Variants in KMT2D observed in about 807,000 individuals in gnomAD.
KMT2D encodes histone-lysine N-methyltransferase 2D.
Under a neutral mutation model 512.7 loss-of-function variants are expected in KMT2D, and 55 were observed. That is an observed-to-expected ratio of 0.11 (90% CI 0.09 to 0.13). KMT2D has a LOEUF of 0.13. Among genes scored for constraint, KMT2D ranks in the 10% least tolerant of loss-of-function variants. KMT2D has a pLI of 1.00. For missense variants in KMT2D, 6,061 were observed against 7,127.9 expected (o/e 0.85, Z 5.39); for synonymous variants, 2,995 against 2,904.0 (o/e 1.03, Z -1.01).
At position 49,050,612 on chromosome 12, in the gene KMT2D, G is replaced by T; in HGVS notation, c.2976C>A (p.Asp992Glu). ...ISPPPEANCT[D>E]PEPVPPMILP... ...GGATCATAGGGGGGACAGGCTCAGG[G>T]TCAGTGCAGTTAGCTTCTGGTGGAG... Residue 992 changes from aspartate to glutamate, a missense_variant, in exon 12 of 55, where the codon GAC (aspartate) becomes GAA (glutamate). Transcript: ENST00000301067. The T allele has an allele frequency of 6.2e-7, 1 of 1,611,030 alleles. No individual in the cohort carries two copies. Among genetic ancestry groups the T allele is most frequent in the Non-Finnish European group, 8.5e-7 (1 of 1,178,002 alleles).
rs765084490 is a variant in KMT2D, at chr12:49,049,241, G to A, written c.3907-23C>T. The A allele has an allele frequency of 5.4e-6, 8 of 1,468,180 alleles. No homozygotes were observed. In the Admixed American group the frequency reaches 1.5e-4, roughly 27 times the overall value. The allele number at this position is 1,468,180 out of a possible 1,614,324, so 90.9% of individuals were successfully genotyped here. A position where few individuals can be genotyped will look rare whatever the true frequency, so the allele number is the denominator to read the frequency against. On this transcript the variant is annotated intron_variant, in intron 12 of 54. Transcript: ENST00000301067. ...ACCCTGAGTGAAAGAAGGGGACAAT[G>A]ACAGGAGCATGTCAAGGGCTAGTGT... is the stretch of plus-strand genomic sequence containing the variant.
Position 49,042,481 on chromosome 12 carries a change from C to A in KMT2D, c.5867+80G>T. 1 of 1,542,438 alleles carries A rather than the reference C, an allele frequency of 6.5e-7. No homozygotes were observed. Among genetic ancestry groups the A allele is most frequent in the Non-Finnish European group, 8.8e-7 (1 of 1,132,768 alleles). Reference sequence around the variant, plus strand: ...GGAGCAGGGGAAGTGCTGCAGGAGTCCGAGGGAGGCAAAGCATGAACTCAG... The same window carrying A: ...GGAGCAGGGGAAGTGCTGCAGGAGTACGAGGGAGGCAAAGCATGAACTCAG... On this transcript the variant is annotated intron_variant, in intron 28 of 54. Transcript: ENST00000301067. The surrounding 1 kb of genome is among the most constrained non-coding windows in gnomAD (Gnocchi z 4.4).
At position 49,026,092 on chromosome 12, in the gene KMT2D, G is replaced by A. The variant is rs1942567649; in HGVS notation, c.15784+90C>T. The A allele has an allele frequency of 7.1e-6, 9 of 1,267,750 alleles. No homozygotes were observed. In the South Asian group the frequency reaches 1.4e-4, roughly 20 times the overall value. 78.5% of individuals were successfully genotyped at this position (1,267,750 alleles called of 1,614,324 possible). A position where few individuals can be genotyped will look rare whatever the true frequency, so the allele number is the denominator to read the frequency against. Reference sequence around the variant, plus strand: ...GGGAAGGAGGATCATTCACATAGAAGCTACAGGTCCTCTTATAGACATTGT... The same window carrying A: ...GGGAAGGAGGATCATTCACATAGAAACTACAGGTCCTCTTATAGACATTGT... On this transcript the variant is annotated intron_variant, in intron 49 of 54. Coordinates refer to ENST00000301067, the MANE Select transcript of KMT2D (RefSeq NM_003482.4). This position sits in a 1 kb window ranked among gnomAD's most constrained non-coding sequence, Gnocchi z 9.6.
In KMT2D at chr12:49,039,001, T is replaced by C. The variant is rs1459330498; in HGVS notation, c.8367-12A>G. 2 of 1,551,714 alleles carry C rather than the reference T, an allele frequency of 1.3e-6. No homozygotes were observed. Among genetic ancestry groups the C allele is most frequent in the Admixed American group, 2.0e-5 (1 of 51,018 alleles). On this transcript the variant is annotated splice_polypyrimidine_tract_variant and intron_variant, in intron 34 of 54. Transcript: ENST00000301067. The surrounding 1 kb of genome is among the most constrained non-coding windows in gnomAD (Gnocchi z 5.0). ...CTCCTACCAGTTGCCTGGAAGAATA[T>C]ACAGTAGTCAGTAGGATGAAATCAG...
At position 49,022,529 on chromosome 12, in the gene KMT2D, G is replaced by T; in HGVS notation, c.16338+61C>A. On this transcript the variant is annotated intron_variant, in intron 52 of 54. Coordinates refer to ENST00000301067, the MANE Select transcript of KMT2D (RefSeq NM_003482.4). The surrounding 1 kb of genome is among the most constrained non-coding windows in gnomAD (Gnocchi z 8.6). ...CTCCTGCTCTCCTGTGACCAATCCTGCCCTTGCTCCTTGGTTGAGTGCAGA... is the reference window on the plus strand; with the variant it reads ...CTCCTGCTCTCCTGTGACCAATCCTTCCCTTGCTCCTTGGTTGAGTGCAGA... 1 of 1,573,122 alleles carries T rather than the reference G, an allele frequency of 6.4e-7. No homozygotes were observed. The highest frequency in any genetic ancestry group is 8.7e-7 in the Non-Finnish European group (1 of 1,152,480).
Position 49,023,844 on chromosome 12 carries a change from C to A in KMT2D, c.16052+734G>T, listed in dbSNP as rs941970564. Reference sequence around the variant, plus strand: ...ACATTCTACAACAGCCTAGGAGCCACCAAAGACCTTCGAGAAAGCCCTGCT... The same window carrying A: ...ACATTCTACAACAGCCTAGGAGCCAACAAAGACCTTCGAGAAAGCCCTGCT... On this transcript the variant is annotated intron_variant, in intron 51 of 54. Transcript: ENST00000301067. 5.3e-5 allele frequency among the ~76,000 whole-genome samples: 8 copies of A among 152,322 alleles called. No individual in the cohort carries two copies. The East Asian group carries it at 1.5e-3, about 29-fold the overall frequency.
chr12:49,040,059 T>C lies in KMT2D; in HGVS notation c.7711A>G (p.Thr2571Ala). Residue 2571 changes from threonine to alanine, a missense_variant, in exon 32 of 55, where the codon ACC becomes GCC. Physicochemically the swap from Thr to Ala is moderately conservative, Grantham distance 58 (BLOSUM62 0). This residue lies in a region of KMT2D where 710 missense variants were observed against 647.3 expected (regional missense o/e 1.10). Transcript: ENST00000301067. ...TTTGTGCTTTGAGGCTTGCCCAAGG[T>C]GGGGCCGGGCCCAAAATGGCTGTTG... ...GINSHFGPGP[T>A]LGKPQSTNYT... is the part of the protein sequence containing the mutation. 1 of 1,613,790 alleles carries C rather than the reference T, an allele frequency of 6.2e-7. No individual in the cohort carries two copies. The highest frequency in any genetic ancestry group is 1.1e-5 in the South Asian group (1 of 91,054).
In KMT2D at chr12:49,040,385, G is replaced by A. The variant is rs1220563942; in HGVS notation, c.7385C>T (p.Pro2462Leu). 2 of 1,565,626 alleles carry A rather than the reference G, an allele frequency of 1.3e-6. No individual in the cohort carries two copies. The highest frequency in any genetic ancestry group is 1.4e-5 in the African/African-American group (1 of 73,402). The part of the protein sequence containing the change: ...RPPSRPQSRD[P>L]FAPLHKPPRP... ...GGGTGGCTTATGCAATGGGGCAAAT[G>A]GGTCACGGGACTGAGGGCGTGAGGG... The change falls in exon 32 of 55, where the codon CCA becomes CTA. Residue 2462 changes from proline to leucine, a missense_variant. Physicochemically the swap from Pro to Leu is moderately conservative, Grantham distance 98. This residue lies in a region of KMT2D where 710 missense variants were observed against 647.3 expected (regional missense o/e 1.10). Coordinates refer to ENST00000301067, the MANE Select transcript of KMT2D (RefSeq NM_003482.4).
Position 49,054,114 on chromosome 12 carries a change from A to C in KMT2D, c.537T>G (p.Gly179=), listed in dbSNP as rs2120704669. The part of the protein sequence containing the change: ...SQRCSHCTRL[G]ASIPCRSPGC... Reference sequence around the variant, plus strand: ...CAGGTGAGCGGCAAGGGATGGAGGCACCGAGCCTGGTGCAGTGGGAGCAGC... The same window carrying C: ...CAGGTGAGCGGCAAGGGATGGAGGCCCCGAGCCTGGTGCAGTGGGAGCAGC... The change falls in exon 6 of 55, where the codon GGT becomes GGG. Residue 179 remains glycine (G), a synonymous_variant. Coordinates refer to ENST00000301067, the MANE Select transcript of KMT2D (RefSeq NM_003482.4). The surrounding 1 kb of genome is among the most constrained non-coding windows in gnomAD (Gnocchi z 6.4). 1 of 1,612,268 alleles carries C rather than the reference A, an allele frequency of 6.2e-7. No homozygotes were observed. The highest frequency in any genetic ancestry group is 1.3e-5 in the African/African-American group (1 of 74,998).
Position 49,026,300 on chromosome 12 carries a change from G to A in KMT2D, c.15666C>T (p.Asn5222=). The change falls in exon 49 of 55, where the codon AAC becomes AAT. Residue 5222 remains asparagine (N), a synonymous_variant. Transcript: ENST00000301067. The surrounding 1 kb of genome is among the most constrained non-coding windows in gnomAD (Gnocchi z 9.6). ...ATRIYWSLRT[N]NRRCCYRCSI... ...AACAGCGATAGCAGCAGCGACGATT[G>A]TTGGTGCGGAGGCTCCAATAGATGC... The A allele has an allele frequency of 6.2e-7, 1 of 1,612,018 alleles. No individual in the cohort carries two copies. The highest frequency in any genetic ancestry group is 8.5e-7 in the Non-Finnish European group (1 of 1,178,156).
In KMT2D at chr12:49,034,612, C is replaced by A. The variant is rs747438612; in HGVS notation, c.10410G>T (p.Leu3470=). ...CACTCCCAGCTGCCACATGGTTCTG[C>A]AGATCACTGCTAGGTCCCCCCGAGA... is the stretch of plus-strand genomic sequence containing the variant. ...QRLSGGPSSD[L]QNHVAAGSGQ... is the part of the protein sequence containing the mutation. Residue 3470 remains leucine (L), a synonymous_variant, in exon 37 of 55, where the codon CTG becomes CTT. Transcript: ENST00000301067. 15 of 1,613,516 alleles carry A rather than the reference C, an allele frequency of 9.3e-6. No homozygotes were observed. Among genetic ancestry groups the A allele is most frequent in the African/African-American group, 1.3e-5 (1 of 74,898 alleles).
In KMT2D at chr12:49,043,382, C is replaced by G. The variant is rs2120567833; in HGVS notation, c.5514G>C (p.Glu1838Asp). The part of the protein sequence containing the change: ...DIADEESRGL[E>D]GKADTPGPED... ...CCTCACCTGGTGTATCGGCTTTGCC[C>G]TCGAGGCCACGGGATTCTTCATCTG... Residue 1838 changes from glutamate to aspartate, a missense_variant, in exon 25 of 55, where the codon GAG becomes GAC. Around this residue, in one of 16 missense-constraint regions of KMT2D, gnomAD observed 640 missense variants for 814.3 expected, o/e 0.79. Transcript: ENST00000301067. 2 of 1,613,996 alleles carry G rather than the reference C, an allele frequency of 1.2e-6. No homozygotes were observed. Among genetic ancestry groups the G allele is most frequent in the Non-Finnish European group, 1.7e-6 (2 of 1,179,874 alleles).
At position 49,033,394 on chromosome 12, in the gene KMT2D, G is replaced by T. The variant is rs747132864; in HGVS notation, c.11311C>A (p.Pro3771Thr). ...PGVQTNQALG[P>T]KPQGLMPPSS... Reference sequence around the variant, plus strand: ...GGAGGCATAAGGCCCTGGGGCTTGGGACCCAGAGCTTGGTTTGTCTGTACT... The same window carrying T: ...GGAGGCATAAGGCCCTGGGGCTTGGTACCCAGAGCTTGGTTTGTCTGTACT... Residue 3771 changes from proline to threonine, a missense_variant, in exon 40 of 55, where the codon CCC (proline) becomes ACC (threonine). Coordinates refer to ENST00000301067, the MANE Select transcript of KMT2D (RefSeq NM_003482.4). 1 of 1,573,342 alleles carries T rather than the reference G, an allele frequency of 6.4e-7. No individual in the cohort carries two copies. The highest frequency in any genetic ancestry group is 8.6e-7 in the Non-Finnish European group (1 of 1,159,412).
Position 49,039,665 on chromosome 12 carries a change from TA to T in KMT2D, c.8047-49del. The T allele has an allele frequency of 6.2e-7, 1 of 1,602,620 alleles. No individual in the cohort carries two copies. Among genetic ancestry groups the T allele is most frequent in the Non-Finnish European group, 8.5e-7 (1 of 1,175,488 alleles). ...GAATAAGCCCATTCTACTCCAATCA[TA>T]GGGCTGCCCCAGAGACAGGAGCGAT... On this transcript the variant is annotated intron_variant, in intron 32 of 54. Transcript: ENST00000301067. This position sits in a 1 kb window ranked among gnomAD's most constrained non-coding sequence, Gnocchi z 5.0.
chr12:49,050,127 A>G lies in KMT2D; in HGVS notation c.3461T>C (p.Leu1154Pro), dbSNP rs2120646057. 6.2e-7 allele frequency: 1 copy of G among 1,613,416 alleles called. No individual in the cohort carries two copies. Among genetic ancestry groups the G allele is most frequent in the Non-Finnish European group, 8.5e-7 (1 of 1,179,684 alleles). Reference protein sequence around the residue: ...LASELKGSPVLLDPEELAPVT... With the variant: ...LASELKGSPVPLDPEELAPVT... ...AGGGGCCAGCTCCTCGGGGTCCAGG[A>G]GCACAGGGGAGCCTTTAAGTTCACT... The change falls in exon 12 of 55, where the codon CTC becomes CCC. Residue 1154 changes from leucine (L) to proline (P), a missense_variant. By Grantham distance (98) the Leu-to-Pro change is moderately conservative. This residue lies in a region of KMT2D where 447 missense variants were observed against 500.1 expected (regional missense o/e 0.89). Transcript: ENST00000301067.
At position 49,055,260 on chromosome 12, in the gene KMT2D, A is replaced by G. The variant is rs762896047; in HGVS notation, c.49+16T>C. 3 of 1,613,784 alleles carry G rather than the reference A, an allele frequency of 1.9e-6. No individual in the cohort carries two copies. Among genetic ancestry groups the G allele is most frequent in the Admixed American group, 3.3e-5 (2 of 60,022 alleles). On this transcript the variant is annotated intron_variant, in intron 2 of 54. Transcript: ENST00000301067. Reference sequence around the variant, plus strand: ...CAATGAAATCTAAAAGCAAACAAACAATTTGTCCTACTCACCTGCCGGTTC... The same window carrying G: ...CAATGAAATCTAAAAGCAAACAAACGATTTGTCCTACTCACCTGCCGGTTC...
intron 11 of KMT2D, 37 bp downstream of exon 11, chr12:49,050,849 G>C (rs765399887): frequency 1.3e-6 from 2 of 1,556,058 alleles, no homozygotes; most frequent in South Asian, 2.4e-5. Context: ...AAGAGTTACA[G>C]CTGTTCCAGA....
rs552543556 is a variant in KMT2D, at chr12:49,051,477, G to A, written c.2206C>T (p.Pro736Ser). 113 of 1,613,754 alleles carry A rather than the reference G, an allele frequency of 7.0e-5. 1 individual carries two copies. The Admixed American group carries it at 1.8e-3, about 26-fold the overall frequency. ...GACAGGTGCGGCCCCTCGGACCGGG[G>A]GCAGAGTTGCGGCTCCTCAGGTAGT... ...LPLPEEPQLC[P>S]RSEGPHLSPR... Residue 736 changes from proline (P) to serine (S), a missense_variant, in exon 11 of 55, where the codon CCC becomes TCC. Pro to Ser is a moderately conservative substitution (Grantham distance 74). This residue lies in a region of KMT2D where 848 missense variants were observed against 838.5 expected (regional missense o/e 1.01). Transcript: ENST00000301067.
Position 49,026,929 on chromosome 12 carries a change from T to C in KMT2D, c.15037A>G (p.Met5013Val). The change falls in exon 49 of 55, where the codon ATG (methionine) becomes GTG (valine). Residue 5013 changes from methionine (M) to valine (V), a missense_variant. Coordinates refer to ENST00000301067, the MANE Select transcript of KMT2D (RefSeq NM_003482.4). This position sits in a 1 kb window ranked among gnomAD's most constrained non-coding sequence, Gnocchi z 9.6. ...QEDEREVAEF[M>V]EQLGTALRPD... The stretch of plus-strand genomic sequence containing the variant: ...CGCAAGGCTGTGCCAAGCTGCTCCA[T>C]AAACTCTGCCACTTCCCGCTCATCC... 6.2e-7 allele frequency: 1 copy of C among 1,614,012 alleles called. No homozygotes were observed.
Sources: allele counts gnomAD v4.1 joint callset (sites outside exome capture counted in the v4.1 genomes callset), GRCh38; gene constraint gnomAD v4.1.1; regional missense constraint gnomAD v4.1.1; non-coding constraint Gnocchi (gnomAD v3.1); transcripts MANE v1.5; gene names NCBI Gene and HGNC (gene_info 2026-07-23, HGNC 2026-07-21).